MAP4K5: variants seen among roughly 807,000 people sequenced by gnomAD.
MAP4K5 encodes the protein MAPK/ERK kinase kinase kinase 5.
A neutral mutation model predicts 135.6 loss-of-function variants in MAP4K5; 82 were observed. The ratio of observed to expected loss-of-function variants is 0.60; its 90% confidence interval spans 0.51 to 0.73. MAP4K5 has a LOEUF of 0.73. Ranked by LOEUF, MAP4K5 falls within the 30% of genes least tolerant of loss-of-function variation. The probability of loss-of-function intolerance (pLI) is 0.00; values close to 1 mark genes in which losing one functional copy is unlikely to be tolerated. For missense variants in MAP4K5, 907 were observed against 1,010.9 expected (o/e 0.90, Z 1.39); for synonymous variants, 347 against 335.0 (o/e 1.04, Z -0.39).
intron 2 of MAP4K5, among the ~76,000 whole-genome samples, chr14:50,518,853 G>A (rs2038088688): frequency 1.3e-5 from 2 of 152,210 alleles, no homozygotes; most frequent in Non-Finnish European, 2.9e-5. Context: ...AGGGAGGAAA[G>A]GGCTTGAGTT....
At chr14:50,438,150 C>T (rs937399949) in intron 23 of MAP4K5, 56 bp from the exon 24 acceptor site, 3 of 691,774 alleles carry the variant, frequency 4.3e-6, no homozygotes, top group Non-Finnish European at 7.8e-6. Flanking sequence ...AAAACACACA[C>T]AAAAAAACCC....
At chr14:50,427,700 C>T (rs1595418775) in intron 30 of MAP4K5, among the ~76,000 whole-genome samples, 1 of 152,062 alleles carries the variant, frequency 6.6e-6, no homozygotes, top group African/African-American at 2.4e-5. Flanking sequence ...TCTGTCACTC[C>T]TGGGGAAGAT....
chr14:50,526,394 G>C (rs1406464429), intron 2 of MAP4K5, among the ~76,000 whole-genome samples: 1 of 152,104 alleles, frequency 6.6e-6, no homozygotes, highest in Non-Finnish European at 1.5e-5. Flanking sequence ...CCGACCCCCG[G>C]GTTCAACCAA....
intron 14 of MAP4K5, chr14:50,450,553 A>G (rs1447931838): frequency 6.6e-6 from 1 of 152,236 alleles, no homozygotes; most frequent in Non-Finnish European, 1.5e-5. Context: ...CTGCTTAGGT[A>G]GAGGGCACAG....
chr14:50,466,599 T>C lies in MAP4K5; in HGVS notation c.721A>G (p.Lys241Glu), dbSNP rs373511256. ...SKSNFQPPKLKDKTKWSSTFH... is the reference protein window; with the variant it reads ...SKSNFQPPKLEDKTKWSSTFH... Reference sequence around the variant, plus strand: ...TTAACTCACCATTTTGTTTTGTCCTTTAGTTTTGGAGGCTGAAAATTACTT... The same window carrying C: ...TTAACTCACCATTTTGTTTTGTCCTCTAGTTTTGGAGGCTGAAAATTACTT... The change falls in exon 11 of 33, where the codon AAG (lysine) becomes GAG (glutamate). Residue 241 changes from lysine (K) to glutamate (E), a missense_variant. This residue lies in a region of MAP4K5 where 690 missense variants were observed against 777.4 expected (regional missense o/e 0.89). Coordinates refer to ENST00000682126, the MANE Select transcript of MAP4K5 (RefSeq NM_006575.6). 2.7e-6 allele frequency: 4 copies of C among 1,458,062 alleles called. No individual in the cohort carries two copies. In the African/African-American group the frequency reaches 4.2e-5, roughly 15 times the overall value. 90.3% of individuals were successfully genotyped at this position (1,458,062 alleles called of 1,614,324 possible). A position where few individuals can be genotyped will look rare whatever the true frequency, so the allele number is the denominator to read the frequency against.
At chr14:50,438,871 T>A (rs1414750727) in intron 23 of MAP4K5, among the ~76,000 whole-genome samples, 1 of 152,154 alleles carries the variant, frequency 6.6e-6, no homozygotes, top group Non-Finnish European at 1.5e-5. Flanking sequence ...TGGGCGTTGC[T>A]ATCTAAGATG....
rs139114675 is a variant in MAP4K5 at position 50,459,685 on chromosome 14, TTTTC to T, written c.936+2976_936+2979del. ...TGTTTTCTGCCCTAGTCAGACTGAC[TTTTC>T]TTTCTTTCTCTTTTTTTTTTTTTCC... On this transcript the variant is annotated intron_variant, in intron 13 of 32. Coordinates refer to ENST00000682126, the MANE Select transcript of MAP4K5 (RefSeq NM_006575.6). Among the ~76,000 whole-genome samples, 654 of 150,202 alleles carry T rather than the reference TTTTC, an allele frequency of 4.4e-3. 3 individuals are homozygous for T. Among genetic ancestry groups the T allele is most frequent in the African/African-American group, 0.014 (598 of 41,380 alleles).
intron 3 of MAP4K5, among the ~76,000 whole-genome samples, chr14:50,494,125 C>T (rs867902084): frequency 6.6e-6 from 1 of 151,928 alleles, no homozygotes. Flanking sequence ...GGAAAGACAT[C>T]CCATGCTCAT....
Position 50,464,111 on chromosome 14 carries a change from C to G in MAP4K5, c.760G>C (p.Val254Leu). The stretch of plus-strand genomic sequence containing the variant: ...GGGTTTTTGGTTAGTGCTATTTTGA[C>G]AAAATTATGGAATGTTGATGACCTT... ...TKWSSTFHNF[V>L]KIALTKNPKK... The change falls in exon 12 of 33, where the codon GTC (valine) becomes CTC (leucine). Residue 254 changes from valine to leucine, a missense_variant. Physicochemically the swap from Val to Leu is conservative, Grantham distance 32. This residue lies in a region of MAP4K5 where 690 missense variants were observed against 777.4 expected (regional missense o/e 0.89). Coordinates refer to ENST00000682126, the MANE Select transcript of MAP4K5 (RefSeq NM_006575.6). 2 of 1,532,966 alleles carry G rather than the reference C, an allele frequency of 1.3e-6. No homozygotes were observed. The highest frequency in any genetic ancestry group is 2.4e-5 in the South Asian group (2 of 83,446). 95.0% of individuals were successfully genotyped at this position (1,532,966 alleles called of 1,614,324 possible).
In MAP4K5 at chr14:50,499,343, T is replaced by C. The variant is rs118160034; in HGVS notation, c.166+5457A>G. Among the ~76,000 whole-genome samples the C allele has an allele frequency of 3.7e-3, 559 of 152,134 alleles. 2 individuals are homozygous for C. The highest frequency in any genetic ancestry group is 5.4e-3 in the Admixed American group (82 of 15,284). On this transcript the variant is annotated intron_variant, in intron 3 of 32. Coordinates refer to ENST00000682126, the MANE Select transcript of MAP4K5 (RefSeq NM_006575.6). Reference sequence around the variant, plus strand: ...TACTTATATAGAACTAATAAAAACATTGGAACCAACAAGGAATAGAAGCAG... The same window carrying C: ...TACTTATATAGAACTAATAAAAACACTGGAACCAACAAGGAATAGAAGCAG...
intron 6 of MAP4K5, among the ~76,000 whole-genome samples, chr14:50,478,779 C>G (rs2037165468): frequency 6.6e-6 from 1 of 151,962 alleles, no homozygotes; most frequent in African/African-American, 2.4e-5. Context: ...CTGAAAAACT[C>G]TATTTTGCCT....
At chr14:50,460,118 A>G (rs2036678642) in intron 13 of MAP4K5, among the ~76,000 whole-genome samples, 1 of 151,994 alleles carries the variant, frequency 6.6e-6, no homozygotes, top group South Asian at 2.1e-4. Context: ...TCTAATTCTG[A>G]TTTATCCTTC....
rs569184652 is a variant in MAP4K5 at position 50,529,748 on chromosome 14, T to TG, written c.108+2193dup. ...AGGAGGAAGGGAGCAAGCCATATAG[T>TG]GGGGGGCGGTGGTGAAGGGGAGACA... On this transcript the variant is annotated intron_variant, in intron 2 of 32. Transcript: ENST00000682126. 1.6e-4 allele frequency among the ~76,000 whole-genome samples: 24 copies of TG among 151,510 alleles called. 1 individual carries two copies. The South Asian group carries it at 5.0e-3, about 32-fold the overall frequency.
intron 14 of MAP4K5, among the ~76,000 whole-genome samples, chr14:50,454,734 T>C (rs1047516057): frequency 6.6e-6 from 1 of 152,060 alleles, no homozygotes; most frequent in Non-Finnish European, 1.5e-5. Context: ...TTAAGAAGAC[T>C]GAATATCATA....
intron 14 of MAP4K5, among the ~76,000 whole-genome samples, chr14:50,452,768 C>A (rs1001269185): frequency 3.0e-4 from 46 of 152,232 alleles, no homozygotes; most frequent in African/African-American, 9.9e-4. Flanking sequence ...AAGACTGTCC[C>A]AGCAGGACAC....
intron 13 of MAP4K5, among the ~76,000 whole-genome samples, chr14:50,460,981 C>G (rs1370754561): frequency 6.6e-6 from 1 of 152,104 alleles, no homozygotes; most frequent in Non-Finnish European, 1.5e-5. Context: ...TGGCCTAATA[C>G]TTGGCATACA....
chr14:50,478,386 T>A (rs559915373), intron 6 of MAP4K5, among the ~76,000 whole-genome samples: 1 of 151,842 alleles, frequency 6.6e-6, no homozygotes. Flanking sequence ...TCTATTACTA[T>A]TTTTTTTCCT....
chr14:50,482,414 T>G lies in MAP4K5; in HGVS notation c.325A>C (p.Thr109Pro), dbSNP rs953191360. 1 of 1,522,700 alleles carries G rather than the reference T, an allele frequency of 6.6e-7. No individual in the cohort carries two copies. Among genetic ancestry groups the G allele is most frequent in the Non-Finnish European group, 8.8e-7 (1 of 1,134,172 alleles). 94.3% of individuals were successfully genotyped at this position (1,522,700 alleles called of 1,614,324 possible). ...ATTTGCAATTCTGATAATGGTCCAGTAACTAGAAAGAAAAAGAGACCACAT... is the reference window on the plus strand; with the variant it reads ...ATTTGCAATTCTGATAATGGTCCAGGAACTAGAAAGAAAAAGAGACCACAT... Reference protein sequence around the residue: ...GGSLQDIYHVTGPLSELQIAY... With the variant: ...GGSLQDIYHVPGPLSELQIAY... Residue 109 changes from threonine to proline, a missense_variant and splice_region_variant, in exon 6 of 33, where the codon ACT becomes CCT. Coordinates refer to ENST00000682126, the MANE Select transcript of MAP4K5 (RefSeq NM_006575.6).
chr14:50,560,346 C>T (rs1488157011), intron 1 of MAP4K5: 1 of 1,605,756 alleles, frequency 6.2e-7, no homozygotes, highest in African/African-American at 1.3e-5. Flanking sequence ...GGTCTTCTGG[C>T]CCTCCACTTT....
Sources: gnomAD v4.1 joint callset for allele counts (sites outside exome capture counted in the v4.1 genomes callset) on GRCh38, gnomAD v4.1.1 for gene constraint, gnomAD v4.1.1 regional missense constraint, MANE v1.5 for transcripts, NCBI Gene and HGNC (gene_info 2026-07-23, HGNC 2026-07-21) for gene names.